Variants in PCGF5 observed in about 807,000 individuals in gnomAD.
PCGF5 encodes polycomb group ring finger 5.
PCGF5 carries 9 observed loss-of-function variants against 44.3 expected under a neutral mutation model. That is an observed-to-expected ratio of 0.20 (90% CI 0.12 to 0.35). The LOEUF (loss-of-function observed/expected upper bound fraction) is 0.35, where lower values mean the gene tolerates loss of function less well. PCGF5 is among the 10% of genes least tolerant of loss of function. The pLI is 1.00. For synonymous variants in PCGF5, 95 were observed against 102.5 expected, an observed-to-expected ratio of 0.93 and a Z score of 0.44; for missense variants, 146 against 305.3, an observed-to-expected ratio of 0.48 and a Z score of 3.89.
chr10:91,173,231 A>T (rs1198496889), intron 1 of PCGF5, among the ~76,000 whole-genome samples: 1 of 152,374 alleles, frequency 6.6e-6, no homozygotes, highest in South Asian at 2.1e-4. Context: ...AAAGATGACT[A>T]TTGAAATTTG....
intron 9 of PCGF5, among the ~76,000 whole-genome samples, chr10:91,275,134 T>A (rs1044137170): frequency 3.9e-5 from 6 of 152,004 alleles, no homozygotes; most frequent in African/African-American, 1.2e-4. Flanking sequence ...CAATGTATGA[T>A]AGAAAAAGGT....
chr10:91,205,426 T>C (rs899780838), intron 1 of PCGF5, among the ~76,000 whole-genome samples: 1 of 152,176 alleles, frequency 6.6e-6, no homozygotes, highest in African/African-American at 2.4e-5. Context: ...TAGATATTAG[T>C]ATTTTAAGTG....
chr10:91,256,131 G>A (rs1005960279), intron 6 of PCGF5, among the ~76,000 whole-genome samples: 36 of 152,008 alleles, frequency 2.4e-4, no homozygotes, highest in African/African-American at 8.2e-4. Context: ...CGCTGAGGAA[G>A]CCCAGACATT....
In PCGF5 at chr10:91,190,298, G is replaced by T. The variant is rs142568452; in HGVS notation, c.-184+27217G>T. Among the ~76,000 whole-genome samples, 413 of 152,320 alleles carry T rather than the reference G, an allele frequency of 2.7e-3. 1 individual carries two copies. The highest frequency in any genetic ancestry group is 9.7e-3 in the African/African-American group (402 of 41,580). ...ACCTCTTAATCCCATCACCTTGGGG[G>T]TTAAGATTTCAACATATGAATTTTG... On this transcript the variant is annotated intron_variant, in intron 1 of 9. Coordinates refer to the PCGF5 transcript ENST00000614189.
chr10:91,161,110 T>C (rs1321976818), upstream of PCGF5, among the ~76,000 whole-genome samples: 1 of 152,192 alleles, frequency 6.6e-6, no homozygotes, highest in Non-Finnish European at 1.5e-5. Flanking sequence ...TGCACTAACT[T>C]TGTGGCTCCA....
upstream of PCGF5, among the ~76,000 whole-genome samples, chr10:91,215,986 T>C (rs1364385563): frequency 3.9e-5 from 6 of 152,244 alleles, no homozygotes; most frequent in South Asian, 6.2e-4. Flanking sequence ...AAAGAATACA[T>C]AGGATCAGTT....
At chr10:91,160,144 T>G (rs1843360422), upstream of PCGF5, among the ~76,000 whole-genome samples, 1 of 152,162 alleles carries the variant, frequency 6.6e-6, no homozygotes, top group African/African-American at 2.4e-5. Flanking sequence ...AGAATACCCT[T>G]CCTCCATTTC....
intron 8 of PCGF5, among the ~76,000 whole-genome samples, chr10:91,265,071 G>A (rs77936488): frequency 6.6e-6 from 1 of 152,096 alleles, no homozygotes; most frequent in African/African-American, 2.4e-5. Context: ...TGGGAGAAAT[G>A]ATTCAAAGGA....
rs563336707 is a variant in PCGF5 at position 91,173,772 on chromosome 10, C to A, written c.-184+10691C>A. ...GTGAATTTAGTATTTAGGACAAGTG[C>A]TAGGTTTTCAGCCTTAAAGATTAAA... On this transcript the variant is annotated intron_variant, in intron 1 of 9. Transcript: ENST00000614189. Among the ~76,000 whole-genome samples, 172 of 152,018 alleles carry A rather than the reference C, an allele frequency of 1.1e-3. 2 individuals carry two copies. The highest frequency in any genetic ancestry group is 4.0e-3 in the African/African-American group (166 of 41,494).
chr10:91,260,560 C>T (rs969152554), intron 6 of PCGF5, among the ~76,000 whole-genome samples: 9 of 152,096 alleles, frequency 5.9e-5, no homozygotes, highest in East Asian at 1.9e-4. Flanking sequence ...GGAACCAACC[C>T]AAATGTCCAA....
chr10:91,279,575 A>G lies in PCGF5; in HGVS notation c.*1259A>G, dbSNP rs1025362131. 1.3e-5 allele frequency: 2 copies of G among 152,154 alleles called. No homozygotes were observed. The highest frequency in any genetic ancestry group is 1.9e-4 in the East Asian group (1 of 5,200). The allele number at this position is 152,154 out of a possible 1,614,324, so 9.4% of individuals were successfully genotyped here. ...TCGTTTTAGGATTAGTCTGCAAGTC[A>G]AAGAAAGTCTTGTTACCTTAAATTA... On this transcript the variant is annotated 3_prime_UTR_variant, in exon 10 of 10. Transcript: ENST00000336126.
chr10:91,248,365 A>G (rs2133371407), intron 3 of PCGF5, 140 bp from the exon 4 acceptor site: 1 of 773,152 alleles, frequency 1.3e-6, no homozygotes, highest in Non-Finnish European at 2.1e-6. Context: ...TGTTCCATGG[A>G]CAGAAGAGTA....
At chr10:91,170,556 T>C (rs1341857646) in intron 1 of PCGF5, among the ~76,000 whole-genome samples, 1 of 152,108 alleles carries the variant, frequency 6.6e-6, no homozygotes, top group Non-Finnish European at 1.5e-5. Flanking sequence ...AAAACAACCA[T>C]GATATACCAC....
chr10:91,177,327 C>G (rs1843726784), intron 1 of PCGF5, among the ~76,000 whole-genome samples: 1 of 152,204 alleles, frequency 6.6e-6, no homozygotes, highest in Non-Finnish European at 1.5e-5. Flanking sequence ...CTGGGGGATG[C>G]CTTCCAGTTA....
intron 1 of PCGF5, among the ~76,000 whole-genome samples, chr10:91,174,777 A>C (rs909278686): frequency 1.3e-5 from 2 of 152,230 alleles, no homozygotes; most frequent in Non-Finnish European, 1.5e-5. Flanking sequence ...CTTTGGTGGC[A>C]ATCTCTGGTT....
chr10:91,238,791 TA>T (rs1326599687), intron 2 of PCGF5, among the ~76,000 whole-genome samples: 1 of 152,006 alleles, frequency 6.6e-6, no homozygotes, highest in African/African-American at 2.4e-5. Flanking sequence ...AGAAGACATT[TA>T]GAAACCCTTT....
At position 91,279,776 on chromosome 10, in the gene PCGF5, T is replaced by TA. The variant is rs1846405839; in HGVS notation, c.*1461dup. 6.6e-6 allele frequency: 1 copy of TA among 152,142 alleles called. No individual in the cohort carries two copies. Among genetic ancestry groups the TA allele is most frequent in the Non-Finnish European group, 1.5e-5 (1 of 67,966 alleles). The allele number at this position is 152,142 out of a possible 1,614,324, so 9.4% of individuals were successfully genotyped here. Reference sequence around the variant, plus strand: ...CTGTGTGTTACACACATTTAGTTTTTATACTGCATATGTGGTAAATGTGTC... The same window carrying TA: ...CTGTGTGTTACACACATTTAGTTTTTAATACTGCATATGTGGTAAATGTGTC... On this transcript the variant is annotated 3_prime_UTR_variant, in exon 10 of 10. Transcript: ENST00000336126.
chr10:91,197,468 C>T (rs1467501110), intron 1 of PCGF5, among the ~76,000 whole-genome samples: 1 of 152,168 alleles, frequency 6.6e-6, no homozygotes, highest in Non-Finnish European at 1.5e-5. Flanking sequence ...GTGGTCCGGG[C>T]ATTGTGCTAA....
chr10:91,159,103 A>G (rs1374434761), upstream of PCGF5, among the ~76,000 whole-genome samples: 1 of 152,196 alleles, frequency 6.6e-6, no homozygotes, highest in Non-Finnish European at 1.5e-5. Context: ...AGACTAGAGG[A>G]GCACCATATC....
Sources: allele counts gnomAD v4.1 joint callset (sites outside exome capture counted in the v4.1 genomes callset), GRCh38; gene constraint gnomAD v4.1.1; transcripts MANE v1.5; gene names NCBI Gene and HGNC (gene_info 2026-07-23, HGNC 2026-07-21).